The following PPP2R5C variants were observed in gnomAD, a reference collection of about 807,000 sequenced individuals.
PPP2R5C encodes the protein protein phosphatase 2 regulatory subunit B'gamma.
PPP2R5C carries 7 observed loss-of-function variants against 68.9 expected under a neutral mutation model. That is an observed-to-expected ratio of 0.10 (90% CI 0.06 to 0.19). The LOEUF is 0.19. Among genes scored for constraint, PPP2R5C ranks in the 10% least tolerant of loss-of-function variants. The pLI, the probability that PPP2R5C is intolerant of heterozygous loss-of-function variation, is 1.00. For missense variants in PPP2R5C, 348 were observed against 641.3 expected (o/e 0.54, Z 4.94); for synonymous variants, 210 against 222.2 (o/e 0.95, Z 0.49).
At chr14:101,822,134 G>C (rs987984785) in intron 1 of PPP2R5C, among the ~76,000 whole-genome samples, 3 of 129,684 alleles carry the variant, frequency 2.3e-5, no homozygotes, top group African/African-American at 9.1e-5. Context: ...AATCATACAG[G>C]AATCTGGCGC....
intron 3 of PPP2R5C, among the ~76,000 whole-genome samples, chr14:101,804,338 G>T (rs1017153747): frequency 6.6e-6 from 1 of 152,144 alleles, no homozygotes; most frequent in Non-Finnish European, 1.5e-5. Flanking sequence ...TAAAAATTGA[G>T]CTACCATATA....
chr14:101,838,358 T>A (rs561702119), intron 1 of PPP2R5C, among the ~76,000 whole-genome samples: 14 of 152,240 alleles, frequency 9.2e-5, no homozygotes, highest in Non-Finnish European at 1.6e-4. Flanking sequence ...TTTGTAAAAT[T>A]CACTTTCCAT....
chr14:101,762,664 G>T (rs2036616512), intron 1 of PPP2R5C, among the ~76,000 whole-genome samples: 1 of 152,014 alleles, frequency 6.6e-6, no homozygotes, highest in Non-Finnish European at 1.5e-5. Context: ...GGATTTATCT[G>T]TTTTCTGCTT....
chr14:101,897,630 G>A (rs750666520), intron 8 of PPP2R5C, among the ~76,000 whole-genome samples: 8 of 151,986 alleles, frequency 5.3e-5, no homozygotes, highest in Non-Finnish European at 8.8e-5. Context: ...GGCCTCTCTG[G>A]CAGCTTAGGT....
intron 1 of PPP2R5C, chr14:101,836,358 C>T (rs1406740625): frequency 1.4e-6 from 1 of 702,552 alleles, no homozygotes; most frequent in Non-Finnish European, 2.6e-6. Context: ...CCAGCCTTCT[C>T]CCCTGCCCTT....
chr14:101,765,605 G>A (rs1032039964), intron 2 of PPP2R5C: 1 of 156,454 alleles, frequency 6.4e-6, no homozygotes, highest in Non-Finnish European at 1.2e-5. Context: ...TTTCACTCTT[G>A]TTCCCTGGCT....
rs1044732571 is a variant in PPP2R5C at position 101,775,716 on chromosome 14, C to A, written c.94-10302C>A. ...GCAGTGGGGCTGGGCCCAGGGCCAG[C>A]AGTCCACCTACCCTGGCTAGGAACC... is the stretch of plus-strand genomic sequence containing the variant. On this transcript the variant is annotated intron_variant, in intron 2 of 14. Transcript: ENST00000328724. Among the ~76,000 whole-genome samples, 87 of 152,304 alleles carry A rather than the reference C, an allele frequency of 5.7e-4. 1 individual carries two copies. Among genetic ancestry groups the A allele is most frequent in the Non-Finnish European group, 2.9e-5 (2 of 68,018 alleles).
In PPP2R5C at chr14:101,880,202, G is replaced by A. The variant is rs1008647475; in HGVS notation, c.295-1959G>A. Reference sequence around the variant, plus strand: ...CCAGTGAGAGTCAGGTTAACTCTCGGTTTTAGATTGCAAACTTTTGTCTTT... The same window carrying A: ...CCAGTGAGAGTCAGGTTAACTCTCGATTTTAGATTGCAAACTTTTGTCTTT... On this transcript the variant is annotated intron_variant, in intron 2 of 13. Coordinates refer to ENST00000334743, the Ensembl canonical transcript of PPP2R5C. Among the ~76,000 whole-genome samples the A allele has an allele frequency of 4.9e-4, 75 of 152,196 alleles. 1 individual carries two copies. The highest frequency in any genetic ancestry group is 4.8e-3 in the Admixed American group (74 of 15,278).
chr14:101,890,176 A>G (rs769252426), intron 5 of PPP2R5C, 61 bp from the exon 8 acceptor site: 5 of 1,455,364 alleles, frequency 3.4e-6, no homozygotes, highest in Non-Finnish European at 4.8e-6. Flanking sequence ...CTCCTAGAGC[A>G]TTGTTTTCTT....
At position 101,893,824 on chromosome 14, in the gene PPP2R5C, G is replaced by A. The variant is rs185060924; in HGVS notation, c.799-683G>A. On this transcript the variant is annotated intron_variant, in intron 7 of 13. Coordinates refer to ENST00000334743, the Ensembl canonical transcript of PPP2R5C. ...GTAGTAATCTAAGTACAGCTGTACT[G>A]AAAAATTGGTCAATAAGTGGTTAAT... 4.6e-5 allele frequency among the ~76,000 whole-genome samples: 7 copies of A among 152,354 alleles called. No homozygotes were observed. The East Asian group carries it at 1.3e-3, about 29-fold the overall frequency.
chr14:101,810,671 G>A (rs1478151944), intron 1 of PPP2R5C, among the ~76,000 whole-genome samples: 1 of 152,178 alleles, frequency 6.6e-6, no homozygotes, highest in East Asian at 1.9e-4. Flanking sequence ...ATTTAAATAG[G>A]CTCTGTGTTG....
In PPP2R5C at chr14:101,906,738, T is replaced by G. The variant is rs969817716; in HGVS notation, c.1151+209T>G. On this transcript the variant is annotated intron_variant, in intron 10 of 13. Transcript: ENST00000334743. The surrounding 1 kb of genome is among the most constrained non-coding windows in gnomAD (Gnocchi z 4.0). ...CCTTATACCTTCATTCCTGCCAGTA[T>G]AGAGGCACATTGGTTTGCAGCCACC... The G allele has an allele frequency of 1.7e-6, 1 of 578,210 alleles. No homozygotes were observed. The highest frequency in any genetic ancestry group is 2.8e-6 in the Non-Finnish European group (1 of 351,460). 35.8% of individuals were successfully genotyped at this position (578,210 alleles called of 1,614,324 possible).
intron 1 of PPP2R5C, among the ~76,000 whole-genome samples, chr14:101,828,974 C>T (rs1330279895): frequency 6.6e-6 from 1 of 152,208 alleles, no homozygotes; most frequent in Non-Finnish European, 1.5e-5. Flanking sequence ...CCACCGTGCC[C>T]AGCCTCAAAA....
chr14:101,808,986 G>T (rs1480635202), upstream of PPP2R5C, among the ~76,000 whole-genome samples: 1 of 152,170 alleles, frequency 6.6e-6, no homozygotes, highest in Non-Finnish European at 1.5e-5. Context: ...TTTGAAGATA[G>T]AAAATTTAGA....
At position 101,780,863 on chromosome 14, in the gene PPP2R5C, G is replaced by A. The variant is rs978549081; in HGVS notation, c.94-5155G>A. ...ATTGCTCCGGTGTGAGGTGTAAGGGGGAAGTTGGGGTCCAGCATTTGGCTC... is the reference window on the plus strand; with the variant it reads ...ATTGCTCCGGTGTGAGGTGTAAGGGAGAAGTTGGGGTCCAGCATTTGGCTC... On this transcript the variant is annotated intron_variant, in intron 2 of 14. Transcript: ENST00000328724. 6.6e-5 allele frequency among the ~76,000 whole-genome samples: 10 copies of A among 152,310 alleles called. No individual in the cohort carries two copies. The East Asian group carries it at 1.5e-3, about 24-fold the overall frequency.
intron 12 of PPP2R5C, chr14:101,914,170 G>A: frequency 2.2e-6 from 1 of 456,084 alleles, no homozygotes; most frequent in Non-Finnish European, 4.4e-6. Flanking sequence ...CTGTGGTGGT[G>A]GCAGGCATGC....
In PPP2R5C at chr14:101,825,089, A is replaced by T. The variant is rs886929445; in HGVS notation, c.94+15053A>T. On this transcript the variant is annotated intron_variant, in intron 1 of 13. Transcript: ENST00000334743. The surrounding 1 kb of genome is among the most constrained non-coding windows in gnomAD (Gnocchi z 4.0). ...AGTGGCTTCTCACGCCATCTTCGTC[A>T]CTACACAAGGGGAAGTTGGGCTAAG... Among the ~76,000 whole-genome samples the T allele has an allele frequency of 2.2e-4, 33 of 152,206 alleles. No homozygotes were observed. Among genetic ancestry groups the T allele is most frequent in the African/African-American group, 8.0e-4 (33 of 41,458 alleles).
At position 101,797,036 on chromosome 14, in the gene PPP2R5C, A is replaced by T; in HGVS notation, c.259+10853A>T. 1 of 414,548 alleles carries T rather than the reference A, an allele frequency of 2.4e-6. No homozygotes were observed. The highest frequency in any genetic ancestry group is 2.0e-5 in the African/African-American group (1 of 49,450). The allele number at this position is 414,548 out of a possible 1,614,324, so 25.7% of individuals were successfully genotyped here. A position where few individuals can be genotyped will look rare whatever the true frequency, so the allele number is the denominator to read the frequency against. Reference sequence around the variant, plus strand: ...CTGTACACCCATCACTACTATCTCTACCCAAAACTTTTCATCATCCCCAAC... The same window carrying T: ...CTGTACACCCATCACTACTATCTCTTCCCAAAACTTTTCATCATCCCCAAC... On this transcript the variant is annotated intron_variant, in intron 3 of 14. Coordinates refer to the PPP2R5C transcript ENST00000328724. The surrounding 1 kb of genome is among the most constrained non-coding windows in gnomAD (Gnocchi z 4.2).
At chr14:101,828,238 G>A (rs147090248) in intron 1 of PPP2R5C, among the ~76,000 whole-genome samples, 5 of 152,284 alleles carry the variant, frequency 3.3e-5, no homozygotes, top group African/African-American at 4.8e-5. Flanking sequence ...CAGGGGCTGC[G>A]GGGAGGGAGG....
Sources: allele counts gnomAD v4.1 joint callset (sites outside exome capture counted in the v4.1 genomes callset), GRCh38; gene constraint gnomAD v4.1.1; non-coding constraint Gnocchi (gnomAD v3.1); transcripts MANE v1.5; gene names NCBI Gene and HGNC (gene_info 2026-07-23, HGNC 2026-07-21).